LIN9: variants seen among roughly 807,000 people sequenced by gnomAD.
LIN9 encodes lin-9 DREAM MuvB core complex component, also known as protein lin-9 homolog.
LIN9 carries 18 observed loss-of-function variants against 78.0 expected under a neutral mutation model. That is an observed-to-expected ratio of 0.23 (90% confidence interval 0.16 to 0.34). LIN9 has a LOEUF of 0.34. Ranked by LOEUF, LIN9 falls within the 10% of genes least tolerant of loss-of-function variation. LIN9 has a pLI of 1.00. For missense variants in LIN9, 451 were observed against 644.1 expected (o/e 0.70, Z 3.25); for synonymous variants, 192 against 215.2 (o/e 0.89, Z 0.94).
At position 226,231,624 on chromosome 1, in the gene LIN9, CT is replaced by C. The variant is rs1325249909; in HGVS notation, c.*876del. On this transcript the variant is annotated 3_prime_UTR_variant, in exon 15 of 15. Coordinates refer to ENST00000681046, the MANE Select transcript of LIN9 (RefSeq NM_001366245.2). ...ATTATATTTGTTTTCCTTATAAAATCTTTTTACTTTATAAATTGTGTACTGT... is the reference window on the plus strand; with the variant it reads ...ATTATATTTGTTTTCCTTATAAAATCTTTTACTTTATAAATTGTGTACTGT... 6.6e-6 allele frequency: 1 copy of C among 152,356 alleles called. No individual in the cohort carries two copies. Among genetic ancestry groups the C allele is most frequent in the Non-Finnish European group, 1.5e-5 (1 of 67,984 alleles). 9.4% of individuals were successfully genotyped at this position (152,356 alleles called of 1,614,324 possible). A position where few individuals can be genotyped will look rare whatever the true frequency, so the allele number is the denominator to read the frequency against.
intron 10 of LIN9, among the ~76,000 whole-genome samples, chr1:226,252,448 G>A (rs934430243): frequency 3.9e-5 from 6 of 152,082 alleles, no homozygotes; most frequent in Middle Eastern, 3.4e-3. Context: ...TTCAATTTAC[G>A]TTAAGATACA....
chr1:226,265,659 T>C lies in LIN9; in HGVS notation c.937-25A>G. The C allele has an allele frequency of 8.1e-7, 1 of 1,236,462 alleles. No homozygotes were observed. Among genetic ancestry groups the C allele is most frequent in the Non-Finnish European group, 1.2e-6 (1 of 844,042 alleles). The allele number at this position is 1,236,462 out of a possible 1,614,324, so 76.6% of individuals were successfully genotyped here. On this transcript the variant is annotated intron_variant, in intron 9 of 14. Coordinates refer to ENST00000681046, the MANE Select transcript of LIN9 (RefSeq NM_001366245.2). The surrounding 1 kb of genome is among the most constrained non-coding windows in gnomAD (Gnocchi z 4.1). The stretch of plus-strand genomic sequence containing the variant: ...CCTATGGGAATAAAAAGGAATTATT[T>C]AATCATTGACTATTCAGAGGAAGTA...
intron 7 of LIN9, among the ~76,000 whole-genome samples, chr1:226,277,570 G>A (rs1660746940): frequency 6.6e-6 from 1 of 152,150 alleles, no homozygotes; most frequent in South Asian, 2.1e-4. Context: ...CAAGTGATGT[G>A]TACTACAGAA....
chr1:226,280,701 G>C (rs1660993550), intron 6 of LIN9, among the ~76,000 whole-genome samples: 1 of 152,054 alleles, frequency 6.6e-6, no homozygotes, highest in African/African-American at 2.4e-5. Flanking sequence ...CTTGAACCTG[G>C]GAGACAGAGA....
At chr1:226,258,847 C>T (rs769082495) in intron 10 of LIN9, among the ~76,000 whole-genome samples, 15 of 136,936 alleles carry the variant, frequency 1.1e-4, no homozygotes, top group Non-Finnish European at 1.7e-4. Context: ...GCCGAGATCA[C>T]GCCACTGCAC....
intron 6 of LIN9, among the ~76,000 whole-genome samples, chr1:226,279,640 C>T (rs919895470): frequency 8.6e-4 from 114 of 131,802 alleles, no homozygotes; most frequent in Non-Finnish European, 1.4e-3. Context: ...CTGGGTGTGG[C>T]GGAATGAGCC....
At chr1:226,260,802 G>A (rs960093540) in intron 10 of LIN9, among the ~76,000 whole-genome samples, 2 of 151,728 alleles carry the variant, frequency 1.3e-5, no homozygotes, top group Non-Finnish European at 2.9e-5. Context: ...TGGCCACCAC[G>A]CCTGGCTAAT....
chr1:226,238,961 T>C lies in LIN9; in HGVS notation c.1245+10A>G. On this transcript the variant is annotated intron_variant, in intron 12 of 14. Coordinates refer to ENST00000681046, the MANE Select transcript of LIN9 (RefSeq NM_001366245.2). Reference sequence around the variant, plus strand: ...ACAAATATGGAGGGAAATCTATACATATCACTTACCTCATAGCAATACTGT... The same window carrying C: ...ACAAATATGGAGGGAAATCTATACACATCACTTACCTCATAGCAATACTGT... The C allele has an allele frequency of 6.2e-7, 1 of 1,608,644 alleles. No homozygotes were observed. The highest frequency in any genetic ancestry group is 8.5e-7 in the Non-Finnish European group (1 of 1,177,592).
rs1198750403 is a variant in LIN9, at chr1:226,295,965, C to T, written c.160-19G>A. 1 of 1,557,586 alleles carries T rather than the reference C, an allele frequency of 6.4e-7. No individual in the cohort carries two copies. The highest frequency in any genetic ancestry group is 8.8e-7 in the Non-Finnish European group (1 of 1,137,106). ...TGAAAGGCTATGATAGAAATGTTTT[C>T]ATTTAATGAAAAAGCCGAACCCTCC... is the stretch of plus-strand genomic sequence containing the variant. On this transcript the variant is annotated intron_variant, in intron 3 of 14. Transcript: ENST00000681046.
At chr1:226,253,265 CAA>C (rs60102894) in intron 10 of LIN9, among the ~76,000 whole-genome samples, 26 of 118,412 alleles carry the variant, frequency 2.2e-4, no homozygotes, top group South Asian at 3.1e-4. Flanking sequence ...AACCCTGTCT[CAA>C]AAAAAAAAAA....
chr1:226,298,747 G>T (rs1169567230), intron 2 of LIN9, among the ~76,000 whole-genome samples: 2 of 152,018 alleles, frequency 1.3e-5, no homozygotes, highest in Non-Finnish European at 2.9e-5. Flanking sequence ...TGTAGTCCCA[G>T]CTATTCAGGA....
chr1:226,306,767 T>A (rs1662942239), intron 1 of LIN9, among the ~76,000 whole-genome samples: 1 of 152,194 alleles, frequency 6.6e-6, no homozygotes, highest in African/African-American at 2.4e-5. Context: ...CCAAAAAACA[T>A]ACTGCTATTT....
Position 226,275,467 on chromosome 1 carries a change from G to A in LIN9, c.682+2308C>T, listed in dbSNP as rs192567455. On this transcript the variant is annotated intron_variant, in intron 7 of 14. Transcript: ENST00000681046. ...TCCCAGCACTTTGGGAGGCCGAGGC[G>A]GGTGGATTATGAGGTCAGGAGTTCG... is the stretch of plus-strand genomic sequence containing the variant. Among the ~76,000 whole-genome samples the A allele has an allele frequency of 2.5e-3, 374 of 151,998 alleles. 1 individual carries two copies. The highest frequency in any genetic ancestry group is 7.9e-3 in the African/African-American group (329 of 41,472).
At chr1:226,289,839 G>GGT (rs1553283402) in intron 4 of LIN9, among the ~76,000 whole-genome samples, 4 of 52,662 alleles carry the variant, frequency 7.6e-5, no homozygotes, top group Non-Finnish European at 1.8e-4. Context: ...TCCTCCGGGG[G>GGT]GGGGGGTGGG....
chr1:226,290,632 A>G (rs903007220), intron 4 of LIN9, among the ~76,000 whole-genome samples: 6 of 150,796 alleles, frequency 4.0e-5, no homozygotes, highest in East Asian at 2.0e-4. Flanking sequence ...AAGCCACCGC[A>G]CCCGGCCAAG....
chr1:226,244,325 G>A (rs941388571), intron 11 of LIN9, among the ~76,000 whole-genome samples: 1 of 151,996 alleles, frequency 6.6e-6, no homozygotes, highest in Non-Finnish European at 1.5e-5. Context: ...CCAGCTACTC[G>A]GGAGGCTGAG....
chr1:226,259,034 A>C (rs1489484275), intron 10 of LIN9, among the ~76,000 whole-genome samples: 1 of 147,380 alleles, frequency 6.8e-6, no homozygotes, highest in Non-Finnish European at 1.5e-5. Context: ...GCAGTGTTGC[A>C]ATGTCAGCTC....
intron 7 of LIN9, among the ~76,000 whole-genome samples, chr1:226,274,365 A>G (rs1229084481): frequency 2.6e-5 from 4 of 152,182 alleles, no homozygotes; most frequent in African/African-American, 7.2e-5. Flanking sequence ...GCTGCCATCC[A>G]TATCAGTGCT....
At chr1:226,292,001 T>C (rs1661823671) in intron 4 of LIN9, among the ~76,000 whole-genome samples, 1 of 152,160 alleles carries the variant, frequency 6.6e-6, no homozygotes, top group Admixed American at 6.5e-5. Context: ...CAAATTACTA[T>C]AAAATATTCT....
Sources: allele counts gnomAD v4.1 joint callset (sites outside exome capture counted in the v4.1 genomes callset), GRCh38; gene constraint gnomAD v4.1.1; non-coding constraint Gnocchi (gnomAD v3.1); transcripts MANE v1.5; gene names NCBI Gene and HGNC (gene_info 2026-07-23, HGNC 2026-07-21).